LPP: variants seen among roughly 807,000 people sequenced by gnomAD.
The protein encoded by LPP is LIM domain containing preferred translocation partner in lipoma.
In LPP, 38 loss-of-function variants were observed where a neutral mutation model predicts 60.4. That is an observed-to-expected ratio of 0.63 (90% CI 0.49 to 0.83). LPP has a LOEUF of 0.83. Among genes scored for constraint, LPP ranks in the 40% least tolerant of loss-of-function variants. The pLI is 0.00. For missense variants in LPP, 902 were observed against 783.6 expected, an observed-to-expected ratio of 1.15 and a Z score of -1.80; for synonymous variants, 328 against 290.8, an observed-to-expected ratio of 1.13 and a Z score of -1.30.
intron 7 of LPP, among the ~76,000 whole-genome samples, chr3:188,632,491 G>A (rs1293024859): frequency 6.6e-6 from 1 of 152,150 alleles, no homozygotes; most frequent in East Asian, 1.9e-4. Flanking sequence ...AACAGTTAAA[G>A]TTTTTTGGTT....
intron 2 of LPP, among the ~76,000 whole-genome samples, chr3:188,284,986 T>C (rs1743430318): frequency 1.3e-5 from 2 of 151,920 alleles, no homozygotes; most frequent in African/African-American, 4.8e-5. Context: ...TGAAAAATGG[T>C]AGCACTGGCA....
intron 7 of LPP, among the ~76,000 whole-genome samples, chr3:188,660,506 A>G (rs1176348036): frequency 1.3e-5 from 2 of 152,212 alleles, no homozygotes; most frequent in South Asian, 4.1e-4. Context: ...AGGGGTTGTT[A>G]AATAGCTAGT....
intron 7 of LPP, among the ~76,000 whole-genome samples, chr3:188,672,283 ACT>A (rs903451813): frequency 1.4e-5 from 2 of 146,812 alleles, no homozygotes; most frequent in African/African-American, 5.0e-5. Flanking sequence ...TTGTTATAAG[ACT>A]CTTTTTTTTT....
chr3:188,624,972 A>T, intron 7 of LPP, among the ~76,000 whole-genome samples: 1 of 146,796 alleles, frequency 6.8e-6, no homozygotes, highest in African/African-American at 2.5e-5. Context: ...CATGATTTCT[A>T]TTTCCTTTAG....
intron 4 of LPP, among the ~76,000 whole-genome samples, chr3:188,415,819 A>C (rs1786119128): frequency 6.6e-6 from 1 of 151,760 alleles, no homozygotes; most frequent in African/African-American, 2.4e-5. Context: ...AGGACGCAGC[A>C]AGAGTCTTTG....
At chr3:188,838,257 T>C (rs1758986456) in intron 9 of LPP, among the ~76,000 whole-genome samples, 1 of 152,154 alleles carries the variant, frequency 6.6e-6, no homozygotes. Flanking sequence ...TCAGATGTAC[T>C]GTGATCTACA....
intron 1 of LPP, among the ~76,000 whole-genome samples, chr3:188,164,054 G>A (rs1011143437): frequency 2.0e-5 from 3 of 152,108 alleles, no homozygotes; most frequent in African/African-American, 7.2e-5. Flanking sequence ...CTATTTATGA[G>A]GGTTGATAAA....
At position 188,406,184 on chromosome 3, in the gene LPP, C is replaced by T. The variant is rs183529256; in HGVS notation, c.64C>T (p.Arg22Trp). 1.5e-4 allele frequency: 246 copies of T among 1,614,148 alleles called. No homozygotes were observed. The highest frequency in any genetic ancestry group is 2.7e-4 in the Admixed American group (16 of 60,030). The part of the protein sequence containing the change: ...TGEPLGHVPA[R>W]METTHSFGNP... Reference sequence around the variant, plus strand: ...TGAGCCCCTCGGCCATGTGCCTGCACGGATGGAGACCACCCATTCCTTTGG... The same window carrying T: ...TGAGCCCCTCGGCCATGTGCCTGCATGGATGGAGACCACCCATTCCTTTGG... The change falls in exon 4 of 12, where the codon CGG (arginine) becomes TGG (tryptophan). Residue 22 changes from arginine (R) to tryptophan (W), a missense_variant. Arg to Trp is a moderately radical substitution (Grantham distance 101). Transcript: ENST00000617246.
At chr3:188,801,367 T>A (rs1350264081) in intron 9 of LPP, among the ~76,000 whole-genome samples, 3 of 152,174 alleles carry the variant, frequency 2.0e-5, no homozygotes, top group Non-Finnish European at 4.4e-5. Context: ...AACAGTAATA[T>A]GTATTTTATT....
intron 4 of LPP, among the ~76,000 whole-genome samples, chr3:188,442,502 A>G (rs779179129): frequency 6.6e-6 from 1 of 152,194 alleles, no homozygotes. Flanking sequence ...TGGAGCATCT[A>G]TATCTGATAT....
chr3:188,173,419 A>T (rs1722140445), intron 1 of LPP, among the ~76,000 whole-genome samples: 2 of 152,032 alleles, frequency 1.3e-5, no homozygotes, highest in Non-Finnish European at 2.9e-5. Flanking sequence ...AAGGAAAATC[A>T]CTTGAACCTG....
Position 188,484,687 on chromosome 3 carries a change from G to C in LPP, c.289G>C (p.Glu97Gln). The C allele has an allele frequency of 6.2e-7, 1 of 1,611,768 alleles. No homozygotes were observed. The highest frequency in any genetic ancestry group is 8.5e-7 in the Non-Finnish European group (1 of 1,178,014). Residue 97 changes from glutamate to glutamine, a missense_variant, in exon 5 of 12, where the codon GAG (glutamate) becomes CAG (glutamine). Glu to Gln is a conservative substitution (Grantham distance 29). Coordinates refer to ENST00000617246, the MANE Select transcript of LPP (RefSeq NM_001375462.1). ...NFPPPPPLDEEAFKVQGNPGG... is the reference protein window; with the variant it reads ...NFPPPPPLDEQAFKVQGNPGG... ...TCCTCCTCCACCACCTCTTGATGAA[G>C]AGGCTTTCAAAGTACAGGTAAGAGC... is the stretch of plus-strand genomic sequence containing the variant.
At chr3:188,524,632 C>T (rs377250720) in intron 5 of LPP, 33 bp from the exon 6 acceptor site, 2 of 1,581,282 alleles carry the variant, frequency 1.3e-6, no homozygotes, top group African/African-American at 1.4e-5. Context: ...AGGGAAATTT[C>T]CTTTGTTAAC....
intron 9 of LPP, among the ~76,000 whole-genome samples, chr3:188,834,122 T>C (rs2151628549): frequency 6.6e-6 from 1 of 152,288 alleles, no homozygotes; most frequent in Middle Eastern, 3.4e-3. Flanking sequence ...TACTTGGTCC[T>C]ACAAAGTTTT....
chr3:188,732,235 A>G (rs747957112), intron 8 of LPP, among the ~76,000 whole-genome samples: 3 of 152,222 alleles, frequency 2.0e-5, no homozygotes. Flanking sequence ...TCCCCCATGG[A>G]AATGTTTATC....
chr3:188,623,092 C>G (rs1327919701), intron 7 of LPP, among the ~76,000 whole-genome samples: 1 of 6,160 alleles, frequency 1.6e-4, no homozygotes, highest in East Asian at 0.083. Context: ...GACATTGCCC[C>G]CATGATTGTA....
intron 7 of LPP, among the ~76,000 whole-genome samples, chr3:188,689,323 G>T (rs972719760): frequency 6.6e-6 from 1 of 152,228 alleles, no homozygotes; most frequent in Non-Finnish European, 1.5e-5. Flanking sequence ...AGTCAGAATC[G>T]AAGTCATAGG....
chr3:188,652,280 G>A (rs1030342686), intron 7 of LPP, among the ~76,000 whole-genome samples: 1 of 152,162 alleles, frequency 6.6e-6, no homozygotes, highest in Admixed American at 6.5e-5. Context: ...CACCGAACAT[G>A]CATATGGCTC....
intron 9 of LPP, among the ~76,000 whole-genome samples, chr3:188,777,961 G>A (rs1738367425): frequency 6.6e-6 from 1 of 152,200 alleles, no homozygotes. Flanking sequence ...AATTTAGAGA[G>A]TTGTGCTTGT....
Sources: allele counts gnomAD v4.1 joint callset (sites outside exome capture counted in the v4.1 genomes callset), GRCh38; gene constraint gnomAD v4.1.1; transcripts MANE v1.5; gene names NCBI Gene and HGNC (gene_info 2026-07-23, HGNC 2026-07-21).